The following MACROD2 variants were observed in gnomAD, a reference collection of about 807,000 sequenced individuals.
MACROD2 encodes the protein mono-ADP ribosylhydrolase 2, also known as ADP-ribose glycohydrolase MACROD2.
Under a neutral mutation model 70.4 loss-of-function variants are expected in MACROD2, and 36 were observed. The ratio of observed to expected loss-of-function variants is 0.51; its 90% CI spans 0.39 to 0.68. The LOEUF (loss-of-function observed/expected upper bound fraction) is 0.68, where lower values mean the gene tolerates loss of function less well. Ranked by LOEUF, MACROD2 falls within the 30% of genes least tolerant of loss-of-function variation. MACROD2 has a pLI of 0.00. For missense variants in MACROD2, 496 were observed against 538.4 expected (o/e 0.92, Z 0.78); for synonymous variants, 172 against 178.8 (o/e 0.96, Z 0.30).
intron 5 of MACROD2, among the ~76,000 whole-genome samples, chr20:15,005,828 T>C (rs2075031298): frequency 6.6e-6 from 1 of 152,150 alleles, no homozygotes; most frequent in Non-Finnish European, 1.5e-5. Context: ...TGGAACCAGT[T>C]TGAGCTTCAG....
At chr20:15,162,361 T>TA (rs1207407053) in intron 5 of MACROD2, among the ~76,000 whole-genome samples, 1 of 151,996 alleles carries the variant, frequency 6.6e-6, no homozygotes, top group Non-Finnish European at 1.5e-5. Context: ...TGGACAAAGA[T>TA]ACGTTTGAAT....
At chr20:14,751,221 C>T (rs1258467796) in intron 5 of MACROD2, among the ~76,000 whole-genome samples, 3 of 152,222 alleles carry the variant, frequency 2.0e-5, no homozygotes, top group East Asian at 3.9e-4. Flanking sequence ...TTGGCCTGTG[C>T]CATCCTTAAT....
chr20:14,763,103 G>A (rs1184449478), intron 5 of MACROD2, among the ~76,000 whole-genome samples: 1 of 151,980 alleles, frequency 6.6e-6, no homozygotes. Flanking sequence ...TCCAGGAAGT[G>A]GATGTTAAGG....
At chr20:15,190,952 G>T (rs6135361) in intron 5 of MACROD2, among the ~76,000 whole-genome samples, 95,840 of 151,966 alleles carry the variant, frequency 0.63, 32,405 homozygotes, top group East Asian at 0.94. Flanking sequence ...GCTCCCCAGG[G>T]CTCATTTGCT....
chr20:16,035,103 T>TAA (rs2067208582), intron 15 of MACROD2, among the ~76,000 whole-genome samples: 1 of 73,278 alleles, frequency 1.4e-5, no homozygotes, highest in Admixed American at 2.1e-4. Flanking sequence ...ATATTATATA[T>TAA]TATATATAAA....
chr20:14,496,502 AC>A (rs1447916256), intron 4 of MACROD2, among the ~76,000 whole-genome samples: 1 of 152,216 alleles, frequency 6.6e-6, no homozygotes, highest in Non-Finnish European at 1.5e-5. Context: ...AAAAATGGTC[AC>A]ATATCATCCT....
chr20:15,582,241 C>G (rs2048535708), intron 8 of MACROD2, among the ~76,000 whole-genome samples: 1 of 152,164 alleles, frequency 6.6e-6, no homozygotes. Flanking sequence ...GGGAGCCACT[C>G]ACCAATCAAG....
chr20:14,440,805 C>A (rs149994269), intron 3 of MACROD2, among the ~76,000 whole-genome samples: 1 of 152,066 alleles, frequency 6.6e-6, no homozygotes, highest in Non-Finnish European at 1.5e-5. Context: ...CTAGGGAGCC[C>A]GGGGCATGAG....
chr20:15,176,716 T>G (rs536650649), intron 5 of MACROD2, among the ~76,000 whole-genome samples: 13 of 152,252 alleles, frequency 8.5e-5, no homozygotes, highest in African/African-American at 3.1e-4. Flanking sequence ...ACTCAGGACA[T>G]GCCAAATGGC....
At chr20:15,855,498 A>G (rs748574427) in intron 8 of MACROD2, among the ~76,000 whole-genome samples, 4 of 152,164 alleles carry the variant, frequency 2.6e-5, no homozygotes, top group Non-Finnish European at 5.9e-5. Flanking sequence ...TGACCAAGAG[A>G]GCTGTAACAT....
chr20:16,048,044 A>C (rs1173220427), intron 17 of MACROD2, among the ~76,000 whole-genome samples: 3 of 152,256 alleles, frequency 2.0e-5, no homozygotes, highest in Non-Finnish European at 4.4e-5. Context: ...AAAGTCATGC[A>C]GTAATAAACA....
intron 2 of MACROD2, among the ~76,000 whole-genome samples, chr20:14,012,196 C>T (rs1010501591): frequency 1.3e-5 from 2 of 152,178 alleles, no homozygotes; most frequent in East Asian, 1.9e-4. Flanking sequence ...TGTGAGCCAC[C>T]GTACTCAGGG....
chr20:15,568,725 A>G (rs573721099), intron 8 of MACROD2, among the ~76,000 whole-genome samples: 8 of 152,312 alleles, frequency 5.3e-5, no homozygotes, highest in African/African-American at 1.2e-4. Flanking sequence ...ATGTGCTCCT[A>G]CAATGATGTT....
At chr20:15,215,103 TA>T (rs2076797825) in intron 5 of MACROD2, among the ~76,000 whole-genome samples, 1 of 152,218 alleles carries the variant, frequency 6.6e-6, no homozygotes, top group Non-Finnish European at 1.5e-5. Flanking sequence ...CATGTTTATT[TA>T]AAGTGTATTA....
At chr20:15,037,399 T>TA (rs998415963) in intron 5 of MACROD2, among the ~76,000 whole-genome samples, 1 of 152,220 alleles carries the variant, frequency 6.6e-6, no homozygotes, top group African/African-American at 2.4e-5. Flanking sequence ...GGTTGAGAAT[T>TA]AAAAACAAGT....
At chr20:15,404,510 AT>A (rs1322428109) in intron 6 of MACROD2, among the ~76,000 whole-genome samples, 2 of 152,206 alleles carry the variant, frequency 1.3e-5, no homozygotes, top group African/African-American at 4.8e-5. Flanking sequence ...GTGGATGCCA[AT>A]TTATATTTTT....
intron 5 of MACROD2, among the ~76,000 whole-genome samples, chr20:14,953,656 A>G (rs958356967): frequency 6.6e-6 from 1 of 152,164 alleles, no homozygotes; most frequent in East Asian, 1.9e-4. Context: ...GACCCATCAG[A>G]TGTGTAGTTG....
intron 3 of MACROD2, among the ~76,000 whole-genome samples, chr20:14,185,553 A>T (rs910808291): frequency 6.6e-6 from 1 of 152,154 alleles, no homozygotes; most frequent in African/African-American, 2.4e-5. Flanking sequence ...AAAAATAGGT[A>T]ATATGCCATT....
intron 2 of MACROD2, among the ~76,000 whole-genome samples, chr20:14,062,475 A>G (rs1364184934): frequency 6.6e-6 from 1 of 152,182 alleles, no homozygotes; most frequent in Non-Finnish European, 1.5e-5. Flanking sequence ...TAAAATATGA[A>G]TAGGAGTTTC....
Sources: allele counts gnomAD v4.1 joint callset (sites outside exome capture counted in the v4.1 genomes callset), GRCh38; gene constraint gnomAD v4.1.1; transcripts MANE v1.5; gene names NCBI Gene and HGNC (gene_info 2026-07-23, HGNC 2026-07-21).